Variants in VTA1 observed in about 807,000 individuals in gnomAD.
VTA1 encodes the protein vesicle trafficking 1.
In VTA1, 24 loss-of-function variants were observed where a neutral mutation model predicts 36.9. The observed-to-expected ratio is 0.65, with a 90% CI of 0.47 to 0.91. The LOEUF is 0.91. VTA1 is among the 40% of genes least tolerant of loss of function. The pLI is 0.00. For synonymous variants in VTA1, 142 were observed against 130.2 expected (o/e 1.09, Z -0.62); for missense variants, 393 against 377.2 (o/e 1.04, Z -0.35).
intron 7 of VTA1, among the ~76,000 whole-genome samples, chr6:142,210,817 A>G (rs1261662890): frequency 6.6e-6 from 1 of 152,242 alleles, no homozygotes; most frequent in Non-Finnish European, 1.5e-5. Context: ...AGGAAAGGAA[A>G]ACAATATCCA....
intron 1 of VTA1, among the ~76,000 whole-genome samples, chr6:142,165,281 A>G (rs1774891357): frequency 6.6e-6 from 1 of 152,130 alleles, no homozygotes; most frequent in African/African-American, 2.4e-5. Context: ...GTGTATTGAT[A>G]CTTTTGTTTT....
chr6:142,204,180 C>A, intron 7 of VTA1, 115 bp downstream of exon 7: 1 of 922,698 alleles, frequency 1.1e-6, no homozygotes, highest in Non-Finnish European at 1.7e-6. Context: ...ATTTGAATTT[C>A]TAGGTAATTT....
In VTA1 at chr6:142,188,068, C is replaced by T. The variant is rs542714735; in HGVS notation, c.412-1358C>T. Among the ~76,000 whole-genome samples the T allele has an allele frequency of 5.3e-5, 8 of 151,088 alleles. No homozygotes were observed. In the South Asian group the frequency reaches 1.0e-3, roughly 20 times the overall value. On this transcript the variant is annotated intron_variant, in intron 4 of 7. Coordinates refer to ENST00000367630, the MANE Select transcript of VTA1 (RefSeq NM_016485.5). ...GATTACAGGTGTGTGCCACCATGCC[C>T]GGCTAATTTTTTGTGTTTTTCATAG...
At chr6:142,148,880 AAGG>A (rs1778511807) in intron 1 of VTA1, among the ~76,000 whole-genome samples, 1 of 152,110 alleles carries the variant, frequency 6.6e-6, no homozygotes, top group South Asian at 2.1e-4. Context: ...GGCTTGCTGG[AAGG>A]AGGAGTAAGT....
intron 7 of VTA1, among the ~76,000 whole-genome samples, chr6:142,208,194 C>T (rs1775832468): frequency 6.6e-6 from 1 of 151,578 alleles, no homozygotes; most frequent in South Asian, 2.1e-4. Flanking sequence ...ACTCATTGAC[C>T]TCTAAGATAA....
In VTA1 at chr6:142,180,164, T is replaced by G. The variant is rs570360392; in HGVS notation, c.412-9262T>G. Reference sequence around the variant, plus strand: ...GCCTGATTTTCTGTTCTAATTTTATTCTGCATAAGGAACCAGGACTTTCGT... The same window carrying G: ...GCCTGATTTTCTGTTCTAATTTTATGCTGCATAAGGAACCAGGACTTTCGT... On this transcript the variant is annotated intron_variant, in intron 4 of 7. Transcript: ENST00000367630. Among the ~76,000 whole-genome samples, 5 of 152,342 alleles carry G rather than the reference T, an allele frequency of 3.3e-5. No homozygotes were observed. In the East Asian group the frequency reaches 7.7e-4, roughly 23 times the overall value.
At chr6:142,205,840 A>G (rs934453260) in intron 7 of VTA1, among the ~76,000 whole-genome samples, 1 of 152,262 alleles carries the variant, frequency 6.6e-6, no homozygotes, top group East Asian at 1.9e-4. Context: ...TTTTGATATT[A>G]TACAAGAAAT....
At chr6:142,202,076 A>G (rs888692551) in intron 6 of VTA1, among the ~76,000 whole-genome samples, 3 of 152,000 alleles carry the variant, frequency 2.0e-5, no homozygotes, top group Non-Finnish European at 4.4e-5. Flanking sequence ...TATGTAATCT[A>G]CATAAGCCTA....
At chr6:142,159,078 G>A (rs998534410) in intron 1 of VTA1, among the ~76,000 whole-genome samples, 8 of 152,052 alleles carry the variant, frequency 5.3e-5, no homozygotes, top group African/African-American at 1.9e-4. Context: ...ATCTGGTATT[G>A]GTTGGGCATG....
chr6:142,218,559 C>T lies in VTA1; in HGVS notation c.840C>T (p.Gly280=), dbSNP rs1446512736. Residue 280 remains glycine, a synonymous_variant, in exon 8 of 8, where the codon GGC becomes GGT. Transcript: ENST00000367630. ...ARAQKYCKYA[G]SALQYEDVST... Reference sequence around the variant, plus strand: ...CTCAGAAGTACTGCAAATATGCTGGCAGTGCTTTGCAGTATGAAGATGTAA... The same window carrying T: ...CTCAGAAGTACTGCAAATATGCTGGTAGTGCTTTGCAGTATGAAGATGTAA... 2 of 1,613,608 alleles carry T rather than the reference C, an allele frequency of 1.2e-6. No individual in the cohort carries two copies. The highest frequency in any genetic ancestry group is 1.1e-5 in the South Asian group (1 of 90,970).
intron 5 of VTA1, among the ~76,000 whole-genome samples, chr6:142,196,464 A>G (rs1366020302): frequency 1.3e-5 from 2 of 152,110 alleles, no homozygotes; most frequent in Admixed American, 6.6e-5. Context: ...CTGTCTCTCA[A>G]CCCCTGTGTG....
Position 142,221,751 on chromosome 6 carries a change from ATATT to A in VTA1, c.*3113_*3116del, listed in dbSNP as rs1282878226. ...GCGGATCATCTGAGGTCAGGAGTAT[ATATT>A]TATTAATATATAAATATGTATTTAT... On this transcript the variant is annotated 3_prime_UTR_variant, in exon 8 of 8. Coordinates refer to ENST00000367630, the MANE Select transcript of VTA1 (RefSeq NM_016485.5). The A allele has an allele frequency of 2.7e-5, 4 of 148,762 alleles. No homozygotes were observed. The highest frequency in any genetic ancestry group is 6.8e-5 in the Admixed American group (1 of 14,804). 9.2% of individuals were successfully genotyped at this position (148,762 alleles called of 1,614,324 possible).
chr6:142,202,724 G>T (rs1445358639), intron 6 of VTA1, among the ~76,000 whole-genome samples: 1 of 151,888 alleles, frequency 6.6e-6, no homozygotes. Flanking sequence ...GTTATTTGTA[G>T]GTGGGTGGAA....
intron 5 of VTA1, among the ~76,000 whole-genome samples, chr6:142,196,444 C>A (rs1395332630): frequency 6.6e-6 from 1 of 152,128 alleles, no homozygotes; most frequent in East Asian, 1.9e-4. Context: ...CATATAGGCA[C>A]TTTTTTATTC....
At chr6:142,183,262 A>C (rs1335480043) in intron 4 of VTA1, among the ~76,000 whole-genome samples, 1 of 152,188 alleles carries the variant, frequency 6.6e-6, no homozygotes, top group Admixed American at 6.5e-5. Flanking sequence ...TATAAAATCA[A>C]AGAGGAAGAA....
chr6:142,197,001 C>T (rs1292036757), intron 5 of VTA1, among the ~76,000 whole-genome samples: 1 of 152,134 alleles, frequency 6.6e-6, no homozygotes, highest in Non-Finnish European at 1.5e-5. Flanking sequence ...TTTCATGGCT[C>T]ACTTCTTGGC....
intron 7 of VTA1, among the ~76,000 whole-genome samples, chr6:142,213,218 A>G (rs1775936624): frequency 6.6e-6 from 1 of 152,200 alleles, no homozygotes. Context: ...TACAGGCCCC[A>G]TGCAAGTCTG....
At chr6:142,149,272 A>G (rs1029900919) in intron 1 of VTA1, among the ~76,000 whole-genome samples, 2 of 152,214 alleles carry the variant, frequency 1.3e-5, no homozygotes, top group African/African-American at 4.8e-5. Flanking sequence ...AGGCTTATGA[A>G]GAAATATTTT....
intron 4 of VTA1, among the ~76,000 whole-genome samples, chr6:142,182,554 G>A (rs1775262292): frequency 1.8e-5 from 1 of 54,948 alleles, no homozygotes; most frequent in Admixed American, 2.3e-4. Context: ...TATTTTGAAT[G>A]TAGAGCTGAC....
Sources: allele counts gnomAD v4.1 joint callset (sites outside exome capture counted in the v4.1 genomes callset), GRCh38; gene constraint gnomAD v4.1.1; transcripts MANE v1.5; gene names NCBI Gene and HGNC (gene_info 2026-07-23, HGNC 2026-07-21).